The following U2SURP variants were observed in gnomAD, a reference collection of about 807,000 sequenced individuals.
U2SURP encodes U2 snRNP-associated SURP motif-containing protein.
A neutral mutation model predicts 144.9 loss-of-function variants in U2SURP; 9 were observed. The observed-to-expected ratio is 0.06, with a 90% CI of 0.04 to 0.11. U2SURP has a LOEUF of 0.11. Ranked by LOEUF, U2SURP falls within the 10% of genes least tolerant of loss-of-function variation. The pLI, the probability that U2SURP is intolerant of heterozygous loss-of-function variation, is 1.00. For synonymous variants in U2SURP, 408 were observed against 396.8 expected (o/e 1.03, Z -0.33); for missense variants, 724 against 1,226.7 (o/e 0.59, Z 6.12).
In U2SURP at chr3:143,059,913, T is replaced by G. The variant is rs1201768398; in HGVS notation, c.*3463T>G. 1 of 152,374 alleles carries G rather than the reference T, an allele frequency of 6.6e-6. No homozygotes were observed. Among genetic ancestry groups the G allele is most frequent in the Non-Finnish European group, 1.5e-5 (1 of 67,858 alleles). 9.4% of individuals were successfully genotyped at this position (152,374 alleles called of 1,614,324 possible). On this transcript the variant is annotated 3_prime_UTR_variant, in exon 28 of 28. Coordinates refer to ENST00000473835, the MANE Select transcript of U2SURP (RefSeq NM_001080415.2). ...GAATAGATTTTAGGGAGTGTTTAAT[T>G]CATTATCCTTTTGACTTAAAATTTT...
intron 16 of U2SURP, among the ~76,000 whole-genome samples, chr3:143,029,822 A>G (rs1366304562): frequency 6.6e-6 from 1 of 152,238 alleles, no homozygotes; most frequent in Admixed American, 6.5e-5. Context: ...TGCCACTCCA[A>G]TGAACACATG....
intron 24 of U2SURP, among the ~76,000 whole-genome samples, chr3:143,044,745 ATACCTATCACATTAGT>A (rs1934329517): frequency 2.0e-5 from 3 of 152,292 alleles, no homozygotes; most frequent in African/African-American, 7.2e-5. Context: ...CTAACTTATG[ATACCTATCACATTAGT>A]TACCTCATTG....
chr3:143,016,175 A>G, intron 4 of U2SURP, 82 bp from the exon 5 acceptor site: 4 of 1,259,310 alleles, frequency 3.2e-6, no homozygotes, highest in East Asian at 4.7e-5. Flanking sequence ...GTTTTCGTCC[A>G]TATTATTCCT....
At chr3:143,031,991 C>A (rs1933526664) in intron 16 of U2SURP, among the ~76,000 whole-genome samples, 1 of 152,104 alleles carries the variant, frequency 6.6e-6, no homozygotes, top group Non-Finnish European at 1.5e-5. Context: ...CCCTTCCCTA[C>A]ATGTTGTCTG....
rs541241973 is a variant in U2SURP at position 143,017,933 on chromosome 3, T to C, written c.570+958T>C. Among the ~76,000 whole-genome samples, 8 of 152,006 alleles carry C rather than the reference T, an allele frequency of 5.3e-5. No individual in the cohort carries two copies. The South Asian group carries it at 1.7e-3, about 32-fold the overall frequency. On this transcript the variant is annotated intron_variant, in intron 6 of 27. Coordinates refer to ENST00000473835, the MANE Select transcript of U2SURP (RefSeq NM_001080415.2). ...GGCTAAAATTTATCCTTTTAAAGTATACAGTTGACTAGGTGCAGTGGCTTA... is the reference window on the plus strand; with the variant it reads ...GGCTAAAATTTATCCTTTTAAAGTACACAGTTGACTAGGTGCAGTGGCTTA...
In U2SURP at chr3:143,033,276, C is replaced by T; in HGVS notation, c.1779C>T (p.Ala593=). ...GTTATCTTTTGATATTATAGATTGC[C>T]AGATTATATTTGGTTTCTGATGTTT... is the stretch of plus-strand genomic sequence containing the variant. The part of the protein sequence containing the change: ...ILKTPLPKKI[A]RLYLVSDVLY... Residue 593 remains alanine (A), a synonymous_variant, in exon 18 of 28, where the codon GCC becomes GCT. Transcript: ENST00000473835. 1 of 1,534,258 alleles carries T rather than the reference C, an allele frequency of 6.5e-7. No homozygotes were observed. Among genetic ancestry groups the T allele is most frequent in the Non-Finnish European group, 8.8e-7 (1 of 1,132,688 alleles).
At chr3:143,018,874 A>G (rs778733773) in intron 6 of U2SURP, among the ~76,000 whole-genome samples, 3 of 152,154 alleles carry the variant, frequency 2.0e-5, no homozygotes, top group Non-Finnish European at 2.9e-5. Context: ...GTGGTGAGCC[A>G]AGATCACAGC....
intron 20 of U2SURP, among the ~76,000 whole-genome samples, chr3:143,036,478 A>C (rs568472442): frequency 1.3e-5 from 2 of 152,232 alleles, no homozygotes; most frequent in Non-Finnish European, 2.9e-5. Flanking sequence ...GATAGCAGAT[A>C]TACATCACCA....
intron 16 of U2SURP, among the ~76,000 whole-genome samples, chr3:143,029,960 T>A (rs1933385124): frequency 6.6e-6 from 1 of 152,210 alleles, no homozygotes; most frequent in Admixed American, 6.5e-5. Flanking sequence ...TCTCTTCAAT[T>A]CTGTGGAAAC....
intron 24 of U2SURP, among the ~76,000 whole-genome samples, chr3:143,046,266 C>CTT (rs1256140654): frequency 0.01 from 679 of 67,210 alleles, 9 homozygotes; most frequent in African/African-American, 0.033. Flanking sequence ...GAAGCCAGTT[C>CTT]TTTTTTTTTT....
intron 18 of U2SURP, 48 bp downstream of exon 18, chr3:143,033,398 G>A (rs977256693): frequency 2.0e-6 from 2 of 1,018,130 alleles, no homozygotes; most frequent in Admixed American, 4.5e-5. Flanking sequence ...GTATTTAAGG[G>A]TAAGGAGTTC....
chr3:143,009,996 C>G (rs1374052374), intron 1 of U2SURP, among the ~76,000 whole-genome samples: 1 of 152,178 alleles, frequency 6.6e-6, no homozygotes, highest in Non-Finnish European at 1.5e-5. Flanking sequence ...CGTATACCCT[C>G]AAAAATAAAA....
intron 5 of U2SURP, 101 bp from the exon 6 acceptor site, chr3:143,016,741 T>C (rs1405996586): frequency 9.6e-7 from 1 of 1,045,750 alleles, no homozygotes; most frequent in African/African-American, 1.7e-5. Context: ...TGATACATCT[T>C]AATACTAAAA....
intron 1 of U2SURP, among the ~76,000 whole-genome samples, 185 bp downstream of exon 1, chr3:143,001,858 C>T (rs1368083134): frequency 6.6e-6 from 1 of 152,200 alleles, no homozygotes; most frequent in East Asian, 1.9e-4. Context: ...TAGTCCCAGC[C>T]GGGATTCAGC....
chr3:143,021,271 T>G (rs997117579), intron 8 of U2SURP, 79 bp from the exon 9 acceptor site: 6 of 1,456,072 alleles, frequency 4.1e-6, no homozygotes, highest in Middle Eastern at 2.0e-4. Context: ...TGTAACAAAC[T>G]GGGGGAAACA....
intron 3 of U2SURP, among the ~76,000 whole-genome samples, 200 bp from the exon 4 acceptor site, chr3:143,014,111 A>G (rs1159761480): frequency 1.3e-5 from 2 of 152,004 alleles, no homozygotes; most frequent in East Asian, 3.9e-4. Flanking sequence ...TAGTAAATGA[A>G]GACATTCTTT....
At chr3:143,046,297 A>ATTTTT (rs11400849) in intron 24 of U2SURP, among the ~76,000 whole-genome samples, 2 of 106,396 alleles carry the variant, frequency 1.9e-5, no homozygotes, top group South Asian at 2.9e-4. Context: ...TTTATTTTTT[A>ATTTTT]TTTTTTTTTA....
Position 143,001,650 on chromosome 3 carries a change from G to C in U2SURP, c.22G>C (p.Gly8Arg). The C allele has an allele frequency of 6.2e-7, 1 of 1,614,002 alleles. No homozygotes were observed. Among genetic ancestry groups the C allele is most frequent in the Non-Finnish European group, 8.5e-7 (1 of 1,179,888 alleles). Residue 8 changes from glycine (G) to arginine (R), a missense_variant, in exon 1 of 28, where the codon GGA (glycine) becomes CGA (arginine). Physicochemically the swap from Gly to Arg is moderately radical, Grantham distance 125. Coordinates refer to ENST00000473835, the MANE Select transcript of U2SURP (RefSeq NM_001080415.2). ...CAAGATGGCGGACAAAACGCCAGGC[G>C]GATCTCAGAAGGCCAGTTCAAAGGT... MADKTPG[G>R]SQKASSKTRS... is the part of the protein sequence containing the mutation.
At chr3:143,006,155 A>G (rs551017519) in intron 1 of U2SURP, among the ~76,000 whole-genome samples, 1 of 152,280 alleles carries the variant, frequency 6.6e-6, no homozygotes, top group South Asian at 2.1e-4. Context: ...CTTTTCATAT[A>G]GTATTGGTAG....
Sources: allele counts gnomAD v4.1 joint callset (sites outside exome capture counted in the v4.1 genomes callset), GRCh38; gene constraint gnomAD v4.1.1; transcripts MANE v1.5; gene names NCBI Gene and HGNC (gene_info 2026-07-23, HGNC 2026-07-21).